The following RBFOX3 variants were observed in gnomAD, a reference collection of about 807,000 sequenced individuals.
The protein encoded by RBFOX3 is RNA binding fox-1 homolog 3.
In RBFOX3, 17 loss-of-function variants were observed where a neutral mutation model predicts 48.7. The ratio of observed to expected loss-of-function variants is 0.35; its 90% confidence interval spans 0.24 to 0.52. The LOEUF (loss-of-function observed/expected upper bound fraction) is 0.52, where lower values mean the gene tolerates loss of function less well. Ranked by LOEUF, RBFOX3 falls within the 20% of genes least tolerant of loss-of-function variation. The pLI, the probability that RBFOX3 is intolerant of heterozygous loss-of-function variation, is 0.94. For synonymous variants in RBFOX3, 212 were observed against 209.5 expected, an observed-to-expected ratio of 1.01 and a Z score of -0.10; for missense variants, 382 against 497.5, an observed-to-expected ratio of 0.77 and a Z score of 2.21.
chr17:79,455,521 C>T (rs751125351), intron 2 of RBFOX3, among the ~76,000 whole-genome samples: 1 of 152,204 alleles, frequency 6.6e-6, no homozygotes, highest in African/African-American at 2.4e-5. Context: ...CCACGGGGCC[C>T]GTGAAACCTT....
At chr17:79,302,467 G>A (rs1207474561) in intron 3 of RBFOX3, among the ~76,000 whole-genome samples, 5 of 152,120 alleles carry the variant, frequency 3.3e-5, no homozygotes, top group African/African-American at 4.8e-5. Context: ...ATCACCTGAG[G>A]TCAGGAATTT....
intron 1 of RBFOX3, among the ~76,000 whole-genome samples, chr17:79,559,306 G>A (rs2092009341): frequency 6.6e-6 from 1 of 152,070 alleles, no homozygotes; most frequent in African/African-American, 2.4e-5. Context: ...TGAGTGGGTG[G>A]TGGATGGTAG....
At chr17:79,526,333 C>T (rs912213909) in intron 1 of RBFOX3, among the ~76,000 whole-genome samples, 3 of 152,196 alleles carry the variant, frequency 2.0e-5, no homozygotes, top group Admixed American at 6.5e-5. Flanking sequence ...GCCTCATCTA[C>T]GAAACGGGAC....
intron 2 of RBFOX3, among the ~76,000 whole-genome samples, chr17:79,387,467 G>T (rs1037302245): frequency 1.3e-5 from 2 of 152,222 alleles, no homozygotes; most frequent in African/African-American, 2.4e-5. Context: ...TTCCGGCAGG[G>T]CCTGATCTAG....
chr17:79,138,690 G>GCACACACA (rs878955971), intron 4 of RBFOX3, among the ~76,000 whole-genome samples: 1 of 27,034 alleles, frequency 3.7e-5, no homozygotes, highest in Non-Finnish European at 1.1e-4. Context: ...CCATACACAT[G>GCACACACA]GACACAGCAC....
At chr17:79,231,789 T>C (rs2061063695) in intron 4 of RBFOX3, among the ~76,000 whole-genome samples, 1 of 152,146 alleles carries the variant, frequency 6.6e-6, no homozygotes, top group African/African-American at 2.4e-5. Flanking sequence ...ATTAAAGAAA[T>C]TCTAAATAAA....
chr17:79,312,228 GA>G (rs2076949434), intron 2 of RBFOX3, among the ~76,000 whole-genome samples: 1 of 151,088 alleles, frequency 6.6e-6, no homozygotes, highest in Non-Finnish European at 1.5e-5. Flanking sequence ...AGACAAAGAA[GA>G]GGGCTGGGAA....
intron 11 of RBFOX3, 115 bp downstream of exon 11, chr17:79,097,177 C>G (rs1321711354): frequency 1.1e-6 from 1 of 879,086 alleles, no homozygotes. Flanking sequence ...CGATCCTCCC[C>G]CCCCCCAGGT....
At chr17:79,229,558 C>CAA (rs11435725) in intron 4 of RBFOX3, among the ~76,000 whole-genome samples, 1,655 of 50,170 alleles carry the variant, frequency 0.033, 99 homozygotes, top group African/African-American at 0.061. Context: ...GACTCCATCT[C>CAA]AAAAAAAAAA....
intron 1 of RBFOX3, among the ~76,000 whole-genome samples, chr17:79,503,389 G>A (rs1482766887): frequency 2.6e-5 from 4 of 152,200 alleles, no homozygotes; most frequent in Non-Finnish European, 5.9e-5. Context: ...ACATGTTCTA[G>A]GAGCCATATT....
Position 79,218,430 on chromosome 17 carries a change from C to T in RBFOX3, c.-34+17336G>A, listed in dbSNP as rs190351644. Among the ~76,000 whole-genome samples, 11 of 152,232 alleles carry T rather than the reference C, an allele frequency of 7.2e-5. No individual in the cohort carries two copies. The East Asian group carries it at 1.5e-3, about 21-fold the overall frequency. ...AAGGAGAGGCTCCCCGATCAGGTTCCGTCCCATCCCAAAATAGCCTGGAAG... is the reference window on the plus strand; with the variant it reads ...AAGGAGAGGCTCCCCGATCAGGTTCTGTCCCATCCCAAAATAGCCTGGAAG... On this transcript the variant is annotated intron_variant, in intron 4 of 14. Transcript: ENST00000693108.
the RBFOX3 span, among the ~76,000 whole-genome samples, chr17:79,655,808 A>G: frequency 6.6e-6 from 1 of 152,072 alleles, no homozygotes; most frequent in Non-Finnish European, 1.5e-5. Context: ...GTGTCCACCA[A>G]TACTCCTGAC....
chr17:79,476,097 CA>C (rs1183737599), intron 2 of RBFOX3, among the ~76,000 whole-genome samples: 3 of 152,254 alleles, frequency 2.0e-5, no homozygotes, highest in Non-Finnish European at 4.4e-5. Context: ...CCCTGAGGAC[CA>C]GGCCCTGCTG....
intron 4 of RBFOX3, among the ~76,000 whole-genome samples, chr17:79,130,007 G>T (rs766319474): frequency 1.3e-5 from 2 of 152,304 alleles, no homozygotes; most frequent in Non-Finnish European, 2.9e-5. Context: ...GCCCTGCGGG[G>T]ACCGGGAGGA....
intron 2 of RBFOX3, among the ~76,000 whole-genome samples, chr17:79,454,599 G>A (rs1436825776): frequency 1.3e-5 from 2 of 152,208 alleles, no homozygotes; most frequent in Non-Finnish European, 2.9e-5. Flanking sequence ...AAAGTCCAAG[G>A]AAGAATTTCA....
At chr17:79,610,463 C>A (rs1221923428) in intron 1 of RBFOX3, among the ~76,000 whole-genome samples, 2 of 151,896 alleles carry the variant, frequency 1.3e-5, no homozygotes, top group African/African-American at 4.8e-5. Context: ...ACAGCCACCA[C>A]CACCGCCACC....
rs17741704 is a variant in RBFOX3 at position 79,199,712 on chromosome 17, G to C, written c.-34+36054C>G. The stretch of plus-strand genomic sequence containing the variant: ...TTCCAAGAGTCACACATGGCTCCTG[G>C]TGACCATATTGACACAGATATGACA... On this transcript the variant is annotated intron_variant, in intron 4 of 14. Coordinates refer to ENST00000693108, the MANE Select transcript of RBFOX3 (RefSeq NM_001350451.2). The surrounding 1 kb of genome is among the most constrained non-coding windows in gnomAD (Gnocchi z 5.1). Among the ~76,000 whole-genome samples the C allele has an allele frequency of 0.097, 14,789 of 152,212 alleles. 999 individuals are homozygous for C. Among genetic ancestry groups the C allele is most frequent in the Middle Eastern group, 0.22 (64 of 294 alleles).
chr17:79,505,420 C>T (rs367715530), intron 1 of RBFOX3, among the ~76,000 whole-genome samples: 58,278 of 151,980 alleles, frequency 0.38, 11,754 homozygotes, highest in East Asian at 0.62. Context: ...GTGTGTCCTA[C>T]ACTTGCCTTC....
chr17:79,464,577 G>GAGA (rs1598812665), intron 2 of RBFOX3, among the ~76,000 whole-genome samples: 1 of 152,370 alleles, frequency 6.6e-6, no homozygotes, highest in East Asian at 1.9e-4. Flanking sequence ...GGGAGGCAAG[G>GAGA]AGAAGGGAGG....
Sources: gnomAD v4.1 joint callset for allele counts (sites outside exome capture counted in the v4.1 genomes callset) on GRCh38, gnomAD v4.1.1 for gene constraint, Gnocchi (gnomAD v3.1) non-coding constraint, MANE v1.5 for transcripts, NCBI Gene and HGNC (gene_info 2026-07-23, HGNC 2026-07-21) for gene names.